The following NHERF1 variants were observed in gnomAD, a reference collection of about 807,000 sequenced individuals.
NHERF1 encodes the protein Na(+)/H(+) exchange regulatory cofactor NHE-RF1.
the NHERF1 span, among the ~76,000 whole-genome samples, chr17:74,751,130 G>A: frequency 3.9e-5 from 6 of 152,206 alleles, no homozygotes; most frequent in African/African-American, 1.2e-4. The surrounding 1 kb of genome is among the most constrained non-coding windows in gnomAD (Gnocchi z 4.3). Context: ...TAGAAATGAC[G>A]TGAAGCACTT....
At chr17:74,767,945 G>A in the NHERF1 span, 1 of 683,906 alleles carries the variant, frequency 1.5e-6, no homozygotes, top group Non-Finnish European at 2.7e-6. Context: ...CTGAGCAGTA[G>A]AACCAGCCTG....
At chr17:74,756,550 A>T in the NHERF1 span, among the ~76,000 whole-genome samples, 1 of 152,144 alleles carries the variant, frequency 6.6e-6, no homozygotes, top group Non-Finnish European at 1.5e-5. Context: ...AAATGCTGGG[A>T]TTACAAGTGT....
the NHERF1 span, chr17:74,768,637 A>G: frequency 6.2e-7 from 1 of 1,613,966 alleles, no homozygotes; most frequent in South Asian, 1.1e-5. Context: ...AAGAAAAACG[A>G]ACTCTTCAGC....
At chr17:74,749,553 G>C in the NHERF1 span, among the ~76,000 whole-genome samples, 10 of 152,200 alleles carry the variant, frequency 6.6e-5, no homozygotes, top group Admixed American at 6.5e-4. The surrounding 1 kb of genome is among the most constrained non-coding windows in gnomAD (Gnocchi z 5.6). Context: ...CCTGGCCTTT[G>C]GGAGGGCGGC....
At chr17:74,758,030 A>G in the NHERF1 span, among the ~76,000 whole-genome samples, 2 of 151,992 alleles carry the variant, frequency 1.3e-5, no homozygotes, top group Non-Finnish European at 2.9e-5. The surrounding 1 kb of genome is among the most constrained non-coding windows in gnomAD (Gnocchi z 4.3). Flanking sequence ...AGGGCCCATC[A>G]CCATGGCATC....
the NHERF1 span, chr17:74,768,614 G>A: frequency 1.8e-4 from 284 of 1,614,150 alleles, no homozygotes; most frequent in Non-Finnish European, 2.3e-4. Context: ...GGGCCCCGCA[G>A]ATGGACTGGA....
chr17:74,768,858 G>A, the NHERF1 span: 7 of 590,156 alleles, frequency 1.2e-5, no homozygotes, highest in Non-Finnish European at 1.5e-5. Context: ...CAGTCAGAAA[G>A]GAGACTCTGC....
the NHERF1 span, among the ~76,000 whole-genome samples, chr17:74,759,881 TC>T: frequency 6.6e-6 from 1 of 152,150 alleles, no homozygotes; most frequent in African/African-American, 2.4e-5. Context: ...GCTCCACATC[TC>T]TGAGCCTCAG....
the NHERF1 span, among the ~76,000 whole-genome samples, chr17:74,766,307 CCA>C: frequency 6.6e-6 from 1 of 152,018 alleles, no homozygotes; most frequent in African/African-American, 2.4e-5. Context: ...AACAATTTTC[CCA>C]CCTCAGCCTC....
the NHERF1 span, among the ~76,000 whole-genome samples, chr17:74,755,897 AATG>A: frequency 6.6e-6 from 1 of 152,134 alleles, no homozygotes; most frequent in Non-Finnish European, 1.5e-5. Context: ...TACACATTGA[AATG>A]ATAATATTTT....
chr17:74,757,376 G>A, the NHERF1 span, among the ~76,000 whole-genome samples: 2 of 152,110 alleles, frequency 1.3e-5, no homozygotes, highest in Non-Finnish European at 2.9e-5. Flanking sequence ...ACATTCCCCT[G>A]CCGCCCGCAC....
At chr17:74,753,131 C>T in the NHERF1 span, among the ~76,000 whole-genome samples, 477 of 152,320 alleles carry the variant, frequency 3.1e-3, 5 homozygotes, top group African/African-American at 0.01. Context: ...CCAGCTCTGC[C>T]GTGTGCTGGT....
the NHERF1 span, chr17:74,763,503 C>T: frequency 1.9e-6 from 3 of 1,599,150 alleles, no homozygotes; most frequent in Non-Finnish European, 2.6e-6. Flanking sequence ...GTGATCCCAT[C>T]TCAGGAGCAC....
At chr17:74,767,181 G>C in the NHERF1 span, among the ~76,000 whole-genome samples, 2 of 152,166 alleles carry the variant, frequency 1.3e-5, no homozygotes, top group Non-Finnish European at 2.9e-5. Flanking sequence ...AGGAGGGAGC[G>C]GGCTGGCTGG....
At chr17:74,768,904 G>A in the NHERF1 span, 1 of 533,048 alleles carries the variant, frequency 1.9e-6, no homozygotes, top group Non-Finnish European at 3.4e-6. Context: ...ATCCTACCGG[G>A]TGTCCCTTTG....
At chr17:74,750,666 C>T in the NHERF1 span, among the ~76,000 whole-genome samples, 1 of 151,772 alleles carries the variant, frequency 6.6e-6, no homozygotes, top group African/African-American at 2.4e-5. Context: ...GATCTCCAGT[C>T]CCAGGCAGAA....
the NHERF1 span, among the ~76,000 whole-genome samples, chr17:74,755,024 C>T: frequency 2.0e-5 from 3 of 152,178 alleles, no homozygotes; most frequent in Non-Finnish European, 4.4e-5. Flanking sequence ...TCTGAGCTAG[C>T]GACTCCTCCC....
the NHERF1 span, chr17:74,766,850 A>C: frequency 6.3e-6 from 8 of 1,270,028 alleles, no homozygotes; most frequent in East Asian, 2.3e-5. Context: ...AAGATCTAAT[A>C]ATCTGCCCAA....
chr17:74,748,992 A>G, the NHERF1 span: 39 of 1,608,712 alleles, frequency 2.4e-5, no homozygotes, highest in Non-Finnish European at 3.1e-5. This position sits in a 1 kb window ranked among gnomAD's most constrained non-coding sequence, Gnocchi z 4.3. Context: ...TCGCCGGCCG[A>G]GAAGGCGGGG....
Sources: allele counts gnomAD v4.1 joint callset (sites outside exome capture counted in the v4.1 genomes callset), GRCh38; gene constraint gnomAD v4.1.1; non-coding constraint Gnocchi (gnomAD v3.1); transcripts MANE v1.5; gene names NCBI Gene and HGNC (gene_info 2026-07-23, HGNC 2026-07-21).